Variants in CCDC9 observed in about 807,000 individuals in gnomAD.
CCDC9 encodes coiled-coil domain-containing protein 9.
Under a neutral mutation model 65.6 loss-of-function variants are expected in CCDC9, and 52 were observed. That is an observed-to-expected ratio of 0.79 (90% CI 0.63 to 1.00). CCDC9 has a LOEUF of 1.00. CCDC9 is among the 50% of genes least tolerant of loss of function. The pLI is 0.00. For missense variants in CCDC9, 834 were observed against 757.2 expected (o/e 1.10, Z -1.19); for synonymous variants, 332 against 280.3 (o/e 1.18, Z -1.84).
At chr19:47,258,000 C>T (rs1296688646) in intron 1 of CCDC9, 2 of 260,658 alleles carry the variant, frequency 7.7e-6, no homozygotes, top group African/African-American at 4.5e-5. Flanking sequence ...ACTCATACCA[C>T]AGGGTGTGGC....
intron 8 of CCDC9, among the ~76,000 whole-genome samples, chr19:47,269,658 G>T (rs2059103244): frequency 6.6e-6 from 1 of 152,060 alleles, no homozygotes; most frequent in Admixed American, 6.6e-5. Flanking sequence ...CTTAGCTGGG[G>T]GTTCAGGAAG....
At chr19:47,270,835 G>T (rs1345391350) in intron 10 of CCDC9, 147 bp downstream of exon 10, 2 of 1,020,878 alleles carry the variant, frequency 2.0e-6, no homozygotes, top group African/African-American at 3.2e-5. Flanking sequence ...TGGTTTGAGG[G>T]GCTTGGGATC....
intron 7 of CCDC9, 152 bp downstream of exon 7, chr19:47,265,098 C>T: frequency 3.2e-6 from 2 of 628,098 alleles, no homozygotes; most frequent in East Asian, 6.4e-5. Context: ...CGCTCTGTCA[C>T]CCATTCTGGA....
downstream of CCDC9, chr19:47,273,919 GGTCTTCCTCCACCCTTCTGATCC>G (rs922178648): frequency 1.6e-5 from 15 of 958,634 alleles, no homozygotes; most frequent in Middle Eastern, 5.3e-4. Flanking sequence ...GGAAGGAAGG[GGTCTTCCTCCACCCTTCTGATCC>G]GTCTTCCCTC....
At chr19:47,265,907 C>T (rs996230111) in intron 7 of CCDC9, among the ~76,000 whole-genome samples, 20 of 147,780 alleles carry the variant, frequency 1.4e-4, no homozygotes, top group African/African-American at 4.5e-4. Flanking sequence ...AGGATGGTCT[C>T]TATCTCCTGA....
chr19:47,271,402 A>C lies in CCDC9; in HGVS notation c.1320A>C (p.Glu440Asp). The change falls in exon 12 of 12, where the codon GAA (glutamate) becomes GAC (aspartate). Residue 440 changes from glutamate to aspartate, a missense_variant. Glu to Asp is a conservative substitution (Grantham distance 45). Transcript: ENST00000221922. The part of the protein sequence containing the change: ...DEEEEEIEVE[E>D]GDEEEPAQDH... ...AAGAGGAGGAGATCGAGGTGGAAGA[A>C]GGTGATGAGGAGGAACCAGCCCAAG... The C allele has an allele frequency of 6.2e-7, 1 of 1,611,606 alleles. No homozygotes were observed. The highest frequency in any genetic ancestry group is 8.5e-7 in the Non-Finnish European group (1 of 1,178,962).
downstream of CCDC9, chr19:47,274,927 G>A (rs900414303): frequency 3.7e-5 from 49 of 1,328,440 alleles, 1 homozygote; most frequent in South Asian, 2.1e-4. Flanking sequence ...GGGATGCGGG[G>A]GACCAGCTGC....
chr19:47,266,722 C>T lies in CCDC9; in HGVS notation c.832C>T (p.Arg278Trp), dbSNP rs766285297. The part of the protein sequence containing the change: ...KQEREKIDQE[R>W]LQRHRKPTGQ... ...GGAGAGGGAGAAGATCGACCAGGAG[C>T]GGCTGCAGAGGCACCGCAAGCCCAC... is the stretch of plus-strand genomic sequence containing the variant. Residue 278 changes from arginine (R) to tryptophan (W), a missense_variant, in exon 8 of 12, where the codon CGG becomes TGG. Arg to Trp is a moderately radical substitution (Grantham distance 101). Transcript: ENST00000221922. 9 of 1,611,616 alleles carry T rather than the reference C, an allele frequency of 5.6e-6. 1 individual carries two copies. Among genetic ancestry groups the T allele is most frequent in the East Asian group, 2.2e-5 (1 of 44,780 alleles).
At chr19:47,258,795 G>C in intron 3 of CCDC9, 132 bp downstream of exon 3, 1 of 660,796 alleles carries the variant, frequency 1.5e-6, no homozygotes, top group Non-Finnish European at 2.7e-6. Context: ...GCCTTAGCCT[G>C]ACATCCCTTC....
In CCDC9 at chr19:47,260,337, G is replaced by GT; in HGVS notation, c.126dup (p.Lys43Ter). On this transcript the variant is annotated frameshift_variant, in exon 4 of 12. Transcript: ENST00000221922. LOFTEE classifies it high-confidence loss of function. ...TGCTCCTAGGAGATTGAGGAAGACC[G>GT]TAAGAAAGCTGAACTTGAGGGAGTC... is the stretch of plus-strand genomic sequence containing the variant. The GT allele has an allele frequency of 6.3e-7, 1 of 1,593,450 alleles. No homozygotes were observed. Among genetic ancestry groups the GT allele is most frequent in the Non-Finnish European group, 8.5e-7 (1 of 1,169,656 alleles).
At chr19:47,258,033 G>A in intron 1 of CCDC9, 3 of 318,966 alleles carry the variant, frequency 9.4e-6, no homozygotes, top group Admixed American at 4.8e-5. Context: ...ATCAGCCTTT[G>A]GAGGAGAGCA....
intron 1 of CCDC9, 177 bp from the exon 2 acceptor site, chr19:47,258,153 G>C (rs1027286048): frequency 1.7e-6 from 1 of 583,406 alleles, no homozygotes. Flanking sequence ...AAAGGGCTGA[G>C]TCTGAATTTC....
intron 7 of CCDC9, among the ~76,000 whole-genome samples, chr19:47,265,550 T>C (rs1199042451): frequency 6.6e-6 from 1 of 152,156 alleles, no homozygotes; most frequent in African/African-American, 2.4e-5. Flanking sequence ...ATTGTCCGTC[T>C]GTTGGTTCTT....
chr19:47,271,241 G>A (rs2059114546), intron 11 of CCDC9, 33 bp from the exon 12 acceptor site: 2 of 1,609,588 alleles, frequency 1.2e-6, no homozygotes, highest in South Asian at 2.2e-5. Context: ...CTCAGGACCT[G>A]TGCCTTGCCC....
chr19:47,271,583 G>C lies in CCDC9; in HGVS notation c.1501G>C (p.Asp501His), dbSNP rs563689886. 8 of 1,613,210 alleles carry C rather than the reference G, an allele frequency of 5.0e-6. No homozygotes were observed. Among genetic ancestry groups the C allele is most frequent in the Non-Finnish European group, 6.8e-6 (8 of 1,179,934 alleles). ...SPPSGHQPVS[D>H]WGEEVELNSP... ...ACCCAGCGGCCACCAGCCTGTGTCC[G>C]ATTGGGGTGAAGAGGTGGAGCTGAA... The change falls in exon 12 of 12, where the codon GAT (aspartate) becomes CAT (histidine). Residue 501 changes from aspartate to histidine, a missense_variant. Coordinates refer to ENST00000221922, the MANE Select transcript of CCDC9 (RefSeq NM_015603.3).
rs546682875 is a variant in CCDC9 at position 47,271,899 on chromosome 19, G to C, written c.*221G>C. 2 of 1,321,106 alleles carry C rather than the reference G, an allele frequency of 1.5e-6. No homozygotes were observed. The highest frequency in any genetic ancestry group is 4.9e-5 in the South Asian group (2 of 41,198). The allele number at this position is 1,321,106 out of a possible 1,614,324, so 81.8% of individuals were successfully genotyped here. A position where few individuals can be genotyped will look rare whatever the true frequency, so the allele number is the denominator to read the frequency against. On this transcript the variant is annotated 3_prime_UTR_variant, in exon 12 of 12. Transcript: ENST00000221922. ...CCCGTCTCTGGAATGTCCACTCCCA[G>C]AGCCTGCCCCAGCCCTTCGAGCCCC...
chr19:47,268,963 G>A (rs554001548), intron 8 of CCDC9, among the ~76,000 whole-genome samples: 7 of 151,880 alleles, frequency 4.6e-5, no homozygotes, highest in African/African-American at 7.2e-5. Flanking sequence ...TGGGCCAGGC[G>A]TGGTGGCTCA....
downstream of CCDC9, chr19:47,273,307 G>T (rs1377612861): frequency 9.0e-7 from 1 of 1,113,610 alleles, no homozygotes; most frequent in Non-Finnish European, 1.1e-6. Context: ...GGCCGGGGGG[G>T]AGGTGGGAAG....
chr19:47,260,524 C>T (rs1490783779), intron 4 of CCDC9, 64 bp from the exon 5 acceptor site: 3 of 1,580,928 alleles, frequency 1.9e-6, no homozygotes, highest in South Asian at 1.1e-5. Flanking sequence ...AGTGGGTGGC[C>T]TCCATCCTGG....
Sources: gnomAD v4.1 joint callset for allele counts (sites outside exome capture counted in the v4.1 genomes callset) on GRCh38, gnomAD v4.1.1 for gene constraint, MANE v1.5 for transcripts, NCBI Gene and HGNC (gene_info 2026-07-23, HGNC 2026-07-21) for gene names.